The following COL11A1 variants were observed in gnomAD, a reference collection of about 807,000 sequenced individuals.
The protein encoded by COL11A1 is collagen alpha-1(XI) chain.
A neutral mutation model predicts 265.2 loss-of-function variants in COL11A1; 74 were observed. That is an observed-to-expected ratio of 0.28 (90% CI 0.23 to 0.34). COL11A1 has a LOEUF of 0.34. COL11A1 is among the 10% of genes least tolerant of loss of function. The pLI is 1.00. For synonymous variants in COL11A1, 816 were observed against 727.6 expected (o/e 1.12, Z -1.96); for missense variants, 2,165 against 2,263.6 (o/e 0.96, Z 0.88).
In COL11A1 at chr1:102,995,928, T is replaced by C; in HGVS notation, c.2296-20A>G. 1 of 1,612,456 alleles carries C rather than the reference T, an allele frequency of 6.2e-7. No homozygotes were observed. The highest frequency in any genetic ancestry group is 8.5e-7 in the Non-Finnish European group (1 of 1,179,032). ...TGCTCCCTGTGGAATAAATTAGAAGTATTAAGTGAATATAACATTTCACTT... is the reference window on the plus strand; with the variant it reads ...TGCTCCCTGTGGAATAAATTAGAAGCATTAAGTGAATATAACATTTCACTT... On this transcript the variant is annotated intron_variant, in intron 27 of 66. Transcript: ENST00000370096.
chr1:102,975,349 G>T (rs1222137048), intron 35 of COL11A1, among the ~76,000 whole-genome samples: 1 of 149,516 alleles, frequency 6.7e-6, no homozygotes, highest in African/African-American at 2.5e-5. Flanking sequence ...AAAACTAAAA[G>T]AGAAAGTATG....
At chr1:102,962,075 TA>T in intron 40 of COL11A1, 100 bp downstream of exon 40, 2 of 1,103,204 alleles carry the variant, frequency 1.8e-6, no homozygotes, top group Non-Finnish European at 2.7e-6. Context: ...TATATATGTT[TA>T]TATATCTTCC....
intron 4 of COL11A1, among the ~76,000 whole-genome samples, chr1:103,039,675 A>C (rs150333097): frequency 6.6e-6 from 1 of 152,240 alleles, no homozygotes; most frequent in African/African-American, 2.4e-5. Flanking sequence ...TCTGTTATTT[A>C]AGCCACTGAG....
rs753713941 is a variant in COL11A1 at position 102,987,693 on chromosome 1, T to C, written c.2442A>G (p.Gly814=). The change falls in exon 30 of 67, where the codon GGA becomes GGG. Residue 814 remains glycine, a synonymous_variant. Transcript: ENST00000370096. ...CAGTTGGGCCTGCTCGACCTTTGGGTCCTTCAGGGCCATCTTCCCCTCTTG... is the reference window on the plus strand; with the variant it reads ...CAGTTGGGCCTGCTCGACCTTTGGGCCCTTCAGGGCCATCTTCCCCTCTTG... ...IGPRGEDGPE[G]PKGRAGPTGD... is the part of the protein sequence containing the mutation. 10 of 1,613,482 alleles carry C rather than the reference T, an allele frequency of 6.2e-6. No individual in the cohort carries two copies. The South Asian group carries it at 1.1e-4, about 18-fold the overall frequency.
intron 13 of COL11A1, among the ~76,000 whole-genome samples, chr1:103,014,210 A>C (rs567032819): frequency 6.6e-6 from 1 of 152,070 alleles, no homozygotes. Context: ...AAGGTGCACT[A>C]GGTGTAAATA....
chr1:102,914,889 A>C, intron 50 of COL11A1, 78 bp from the exon 51 acceptor site: 1 of 1,131,308 alleles, frequency 8.8e-7, no homozygotes, highest in East Asian at 2.5e-5. Flanking sequence ...AAGTTTATTA[A>C]CCTTGGCACA....
At chr1:103,018,930 G>A in intron 9 of COL11A1, 71 bp from the exon 10 acceptor site, 1 of 1,167,960 alleles carries the variant, frequency 8.6e-7, no homozygotes, top group Non-Finnish European at 1.3e-6. Flanking sequence ...ATGAATATAA[G>A]AGAACACTAT....
chr1:102,945,434 G>A (rs553239165), intron 42 of COL11A1, among the ~76,000 whole-genome samples: 4 of 152,146 alleles, frequency 2.6e-5, no homozygotes, highest in Admixed American at 2.0e-4. Flanking sequence ...GTGGTATTCT[G>A]TTATAACTGC....
At chr1:102,945,166 C>T (rs1453043812) in intron 42 of COL11A1, among the ~76,000 whole-genome samples, 1 of 151,612 alleles carries the variant, frequency 6.6e-6, no homozygotes, top group Non-Finnish European at 1.5e-5. Context: ...GCTGATTAGG[C>T]CATGAGGGCA....
intron 7 of COL11A1, among the ~76,000 whole-genome samples, chr1:103,024,098 T>G (rs1667328228): frequency 6.6e-6 from 1 of 152,184 alleles, no homozygotes. Flanking sequence ...ATTATGATCA[T>G]GATGAGGCTC....
rs777271909 is a variant in COL11A1, at chr1:103,108,113, G to T, written c.66C>A (p.Leu22=). The T allele has an allele frequency of 6.2e-7, 1 of 1,613,832 alleles. No individual in the cohort carries two copies. The highest frequency in any genetic ancestry group is 1.7e-4 in the Middle Eastern group (1 of 6,044). ...TAGCTTGGAAGAGGAAGGTCAATGC[G>T]AGGGTTGTTACGGTGAAATCCCAGA... ...RWLWDFTVTT[L]ALTFLFQARE... is the part of the protein sequence containing the mutation. Residue 22 remains leucine, a synonymous_variant, in exon 1 of 67, where the codon CTC becomes CTA. Coordinates refer to ENST00000370096, the MANE Select transcript of COL11A1 (RefSeq NM_001854.4).
At chr1:102,889,814 C>T (rs1020300962) in intron 58 of COL11A1, among the ~76,000 whole-genome samples, 3 of 152,018 alleles carry the variant, frequency 2.0e-5, no homozygotes, top group Non-Finnish European at 4.4e-5. Context: ...AAAATGCTTT[C>T]TAAAAATATC....
chr1:102,951,028 G>C (rs1002117066), intron 41 of COL11A1, among the ~76,000 whole-genome samples: 8 of 151,992 alleles, frequency 5.3e-5, no homozygotes, highest in Non-Finnish European at 1.0e-4. Context: ...TAAGTTTCCC[G>C]AGGCTTCCCC....
chr1:103,057,629 T>C (rs961138242), intron 4 of COL11A1, among the ~76,000 whole-genome samples: 1 of 152,208 alleles, frequency 6.6e-6, no homozygotes, highest in Non-Finnish European at 1.5e-5. Flanking sequence ...CCATGGGCTA[T>C]TGATGTTGTG....
chr1:103,028,515 C>G lies in COL11A1; in HGVS notation c.781-2183G>C, dbSNP rs549866343. On this transcript the variant is annotated intron_variant, in intron 5 of 66. Transcript: ENST00000370096. Reference sequence around the variant, plus strand: ...AATTCTCTCCCCTCATTATGGAATTCTAAGGATGGCTTGAGACAAGTAGAG... The same window carrying G: ...AATTCTCTCCCCTCATTATGGAATTGTAAGGATGGCTTGAGACAAGTAGAG... Among the ~76,000 whole-genome samples the G allele has an allele frequency of 3.5e-4, 54 of 152,164 alleles. 1 individual carries two copies. Among genetic ancestry groups the G allele is most frequent in the African/African-American group, 1.3e-3 (53 of 41,508 alleles).
intron 54 of COL11A1, among the ~76,000 whole-genome samples, chr1:102,908,378 T>A (rs963427646): frequency 1.3e-5 from 2 of 152,116 alleles, no homozygotes; most frequent in African/African-American, 4.8e-5. Context: ...AAATAGGAAA[T>A]TTCAATGGTC....
intron 57 of COL11A1, among the ~76,000 whole-genome samples, chr1:102,893,432 T>C (rs1338402540): frequency 6.6e-6 from 1 of 152,078 alleles, no homozygotes; most frequent in African/African-American, 2.4e-5. Flanking sequence ...AAATAGAAAT[T>C]GGTATGATAT....
At chr1:102,915,068 C>T (rs1043680176) in intron 50 of COL11A1, among the ~76,000 whole-genome samples, 1 of 152,010 alleles carries the variant, frequency 6.6e-6, no homozygotes, top group African/African-American at 2.4e-5. Context: ...CCAGGCCCGG[C>T]TAATTTTTGT....
At chr1:103,013,467 A>T (rs1666294573) in intron 13 of COL11A1, among the ~76,000 whole-genome samples, 1 of 152,000 alleles carries the variant, frequency 6.6e-6, no homozygotes, top group African/African-American at 2.4e-5. Context: ...TATATTTTAT[A>T]AAATAAGTTA....
Sources: allele counts gnomAD v4.1 joint callset (sites outside exome capture counted in the v4.1 genomes callset), GRCh38; gene constraint gnomAD v4.1.1; transcripts MANE v1.5; gene names NCBI Gene and HGNC (gene_info 2026-07-23, HGNC 2026-07-21).